The following ELOVL6 variants were observed in gnomAD, a reference collection of about 807,000 sequenced individuals.
The protein encoded by ELOVL6 is very long chain fatty acid elongase 6.
ELOVL6 carries 8 observed loss-of-function variants against 31.7 expected under a neutral mutation model. The observed-to-expected ratio is 0.25, with a 90% CI of 0.15 to 0.45. ELOVL6 has a LOEUF of 0.45. Ranked by LOEUF, ELOVL6 falls within the 20% of genes least tolerant of loss-of-function variation. The pLI is 1.00. For synonymous variants in ELOVL6, 101 were observed against 117.7 expected (o/e 0.86, Z 0.92); for missense variants, 126 against 326.4 (o/e 0.39, Z 4.73).
chr4:110,097,294 G>A (rs1391236169), intron 2 of ELOVL6, among the ~76,000 whole-genome samples: 1 of 99,766 alleles, frequency 1.0e-5, no homozygotes, highest in Non-Finnish European at 1.9e-5. Context: ...GACAGAGCGA[G>A]ACTCCATCTC....
chr4:110,110,605 A>G (rs1757008859), intron 1 of ELOVL6, among the ~76,000 whole-genome samples: 2 of 152,114 alleles, frequency 1.3e-5, no homozygotes, highest in South Asian at 4.1e-4. Flanking sequence ...TATGCTGGCC[A>G]GACTGGTCCC....
chr4:110,125,373 A>C (rs896748665), intron 1 of ELOVL6, among the ~76,000 whole-genome samples: 3 of 152,146 alleles, frequency 2.0e-5, no homozygotes, highest in African/African-American at 7.2e-5. Flanking sequence ...ACATTTCCCT[A>C]CGTGTTTCCA....
chr4:110,189,818 T>G (rs1213691868), intron 1 of ELOVL6, among the ~76,000 whole-genome samples: 1 of 151,390 alleles, frequency 6.6e-6, no homozygotes, highest in East Asian at 2.0e-4. Flanking sequence ...AATAGAAAAA[T>G]TAGCCAGGTG....
chr4:110,076,519 C>A (rs1755635624), intron 2 of ELOVL6, among the ~76,000 whole-genome samples: 1 of 152,096 alleles, frequency 6.6e-6, no homozygotes, highest in Non-Finnish European at 1.5e-5. Flanking sequence ...AGGACACTTG[C>A]TTTTCCATAT....
chr4:110,117,903 A>AAATATATATATATATATATAT, intron 1 of ELOVL6: 1 of 6,502 alleles, frequency 1.5e-4, no homozygotes, highest in African/African-American at 3.3e-4. Context: ...AAAAAAAAAA[A>AAATATATATATATATATATAT]ATATATATAT....
At chr4:110,138,823 G>C (rs1157266844) in intron 1 of ELOVL6, among the ~76,000 whole-genome samples, 2 of 152,076 alleles carry the variant, frequency 1.3e-5, no homozygotes, top group East Asian at 3.9e-4. Flanking sequence ...CTGAATAACT[G>C]TGTGGTAATC....
intron 1 of ELOVL6, among the ~76,000 whole-genome samples, chr4:110,107,106 T>C (rs887381972): frequency 6.6e-6 from 1 of 152,196 alleles, no homozygotes; most frequent in Admixed American, 6.5e-5. Flanking sequence ...ATGCTTCGTG[T>C]TTTCTCCCTT....
intron 1 of ELOVL6, among the ~76,000 whole-genome samples, chr4:110,167,698 TA>T (rs1758819290): frequency 6.6e-6 from 1 of 151,064 alleles, no homozygotes; most frequent in South Asian, 2.1e-4. Context: ...TGTATGTATG[TA>T]TGTATGTATG....
At chr4:110,139,772 A>C (rs1176958405) in intron 1 of ELOVL6, among the ~76,000 whole-genome samples, 1 of 152,146 alleles carries the variant, frequency 6.6e-6, no homozygotes, top group African/African-American at 2.4e-5. Context: ...CCACCCTCTA[A>C]CATAACTGAA....
intron 1 of ELOVL6, among the ~76,000 whole-genome samples, chr4:110,142,955 T>C (rs1758005624): frequency 6.6e-6 from 1 of 152,170 alleles, no homozygotes; most frequent in South Asian, 2.1e-4. Context: ...CCCTCTCCCG[T>C]CCCTCAGCAC....
At chr4:110,095,894 A>G (rs1252347673) in intron 2 of ELOVL6, among the ~76,000 whole-genome samples, 1 of 152,206 alleles carries the variant, frequency 6.6e-6, no homozygotes, top group African/African-American at 2.4e-5. Context: ...ATAACTTAGA[A>G]TGACTTAAAG....
chr4:110,114,401 A>C (rs1490257258), intron 1 of ELOVL6, among the ~76,000 whole-genome samples: 1 of 152,090 alleles, frequency 6.6e-6, no homozygotes, highest in Non-Finnish European at 1.5e-5. Flanking sequence ...AGACATATAG[A>C]ATCTCAAGAT....
chr4:110,139,048 T>C (rs1757882401), intron 1 of ELOVL6, among the ~76,000 whole-genome samples: 1 of 152,160 alleles, frequency 6.6e-6, no homozygotes, highest in Non-Finnish European at 1.5e-5. Context: ...GTTCTTATCT[T>C]GCAGGGTTGA....
chr4:110,146,773 T>C (rs1295560638), intron 1 of ELOVL6: 1 of 152,374 alleles, frequency 6.6e-6, no homozygotes, highest in Non-Finnish European at 1.5e-5. Flanking sequence ...GTGGATCACT[T>C]GAGGTCAGGA....
intron 1 of ELOVL6, among the ~76,000 whole-genome samples, chr4:110,147,760 C>T (rs1758159104): frequency 6.6e-6 from 1 of 150,836 alleles, no homozygotes; most frequent in Non-Finnish European, 1.5e-5. Context: ...CACTGCACTG[C>T]AGCCCAGGTG....
intron 2 of ELOVL6, among the ~76,000 whole-genome samples, chr4:110,092,374 A>G (rs1408741608): frequency 1.3e-5 from 2 of 152,232 alleles, no homozygotes; most frequent in African/African-American, 4.8e-5. Flanking sequence ...GAAGTTTCAT[A>G]TGGGAAAAGC....
At chr4:110,125,349 T>A (rs962647155) in intron 1 of ELOVL6, among the ~76,000 whole-genome samples, 14 of 152,160 alleles carry the variant, frequency 9.2e-5, no homozygotes, top group African/African-American at 2.2e-4. Flanking sequence ...AACACTTTTT[T>A]AAAAAGTCTT....
chr4:110,056,123 G>GGC (rs140558623), intron 3 of ELOVL6, among the ~76,000 whole-genome samples: 4,085 of 60,472 alleles, frequency 0.068, 256 homozygotes, highest in East Asian at 0.29. Context: ...TGTGGGAGCT[G>GGC]GGGGGGGGGA....
At position 110,047,079 on chromosome 4, in the gene ELOVL6, A is replaced by T. The variant is rs1754713027; in HGVS notation, c.*4259T>A. ...TTGAGAGCAAGGTATTTATTATCGA[A>T]AACAGAGACTGGAGAAAGACACTAC... On this transcript the variant is annotated 3_prime_UTR_variant, in exon 4 of 4. Coordinates refer to ENST00000302274, the MANE Select transcript of ELOVL6 (RefSeq NM_024090.3). 1.3e-5 allele frequency: 2 copies of T among 152,192 alleles called. No individual in the cohort carries two copies. Among genetic ancestry groups the T allele is most frequent in the African/African-American group, 4.8e-5 (2 of 41,448 alleles). The allele number at this position is 152,192 out of a possible 1,614,324, so 9.4% of individuals were successfully genotyped here. A position where few individuals can be genotyped will look rare whatever the true frequency, so the allele number is the denominator to read the frequency against.
Sources: gnomAD v4.1 joint callset for allele counts (sites outside exome capture counted in the v4.1 genomes callset) on GRCh38, gnomAD v4.1.1 for gene constraint, MANE v1.5 for transcripts, NCBI Gene and HGNC (gene_info 2026-07-23, HGNC 2026-07-21) for gene names.